Variants in PRKCQ observed in about 807,000 individuals in gnomAD.
PRKCQ encodes protein kinase C theta type.
A neutral mutation model predicts 91.2 loss-of-function variants in PRKCQ; 41 were observed. The ratio of observed to expected loss-of-function variants is 0.45; its 90% CI spans 0.35 to 0.58. PRKCQ has a LOEUF of 0.58. Among genes scored for constraint, PRKCQ ranks in the 20% least tolerant of loss-of-function variants. The pLI, the probability that PRKCQ is intolerant of heterozygous loss-of-function variation, is 0.00. For synonymous variants in PRKCQ, 307 were observed against 316.9 expected (o/e 0.97, Z 0.33); for missense variants, 673 against 896.5 (o/e 0.75, Z 3.18).
At chr10:6,524,018 G>A (rs907269437) in intron 1 of PRKCQ, among the ~76,000 whole-genome samples, 1 of 152,064 alleles carries the variant, frequency 6.6e-6, no homozygotes, top group Non-Finnish European at 1.5e-5. Flanking sequence ...GACTTCTCTC[G>A]ATTTGCTGAA....
intron 15 of PRKCQ, 102 bp downstream of exon 15, chr10:6,456,572 G>A: frequency 1.4e-6 from 2 of 1,431,040 alleles, no homozygotes; most frequent in South Asian, 2.8e-5. Flanking sequence ...TACAAATCTT[G>A]AATGAAGATA....
intron 1 of PRKCQ, among the ~76,000 whole-genome samples, chr10:6,568,999 A>C (rs911935503): frequency 1.3e-5 from 2 of 152,188 alleles, no homozygotes; most frequent in African/African-American, 4.8e-5. Flanking sequence ...AGAGGTCCAC[A>C]GGCAAAATCT....
intron 14 of PRKCQ, among the ~76,000 whole-genome samples, chr10:6,457,805 C>A (rs1217131348): frequency 6.6e-6 from 1 of 152,152 alleles, no homozygotes; most frequent in Admixed American, 6.6e-5. Flanking sequence ...CAGTAATGCC[C>A]AATATTGAGT....
chr10:6,446,421 A>G (rs1483179223), intron 15 of PRKCQ, among the ~76,000 whole-genome samples: 1 of 131,070 alleles, frequency 7.6e-6, no homozygotes, highest in Non-Finnish European at 1.5e-5. Flanking sequence ...GCTGGAGTGC[A>G]GTGGCGCGAT....
At chr10:6,405,812 T>A in the PRKCQ span, among the ~76,000 whole-genome samples, 1 of 152,238 alleles carries the variant, frequency 6.6e-6, no homozygotes, top group South Asian at 2.1e-4. Flanking sequence ...GGCTACTTTA[T>A]GGTACTCTAT....
At chr10:6,413,732 C>T in the PRKCQ span, among the ~76,000 whole-genome samples, 1 of 34,768 alleles carries the variant, frequency 2.9e-5, no homozygotes, top group Admixed American at 4.2e-4. Flanking sequence ...TGTGCGCGCG[C>T]ACACACACAC....
chr10:6,534,792 A>C (rs1246103858), intron 1 of PRKCQ, among the ~76,000 whole-genome samples: 13 of 134,798 alleles, frequency 9.6e-5, no homozygotes, highest in African/African-American at 3.6e-4. Context: ...ATATATATAT[A>C]GATATATATA....
the PRKCQ span, among the ~76,000 whole-genome samples, chr10:6,404,255 G>GTGGAGAGA: frequency 1.2e-4 from 4 of 34,360 alleles, 1 homozygote; most frequent in Non-Finnish European, 2.4e-4. Flanking sequence ...GAAGGGGGGG[G>GTGGAGAGA]GAGAGAGAGA....
At chr10:6,556,950 T>C (rs1840445065) in intron 1 of PRKCQ, among the ~76,000 whole-genome samples, 1 of 152,178 alleles carries the variant, frequency 6.6e-6, no homozygotes, top group Non-Finnish European at 1.5e-5. Flanking sequence ...TATCCCAGTC[T>C]CCATCTAGTT....
intron 1 of PRKCQ, among the ~76,000 whole-genome samples, chr10:6,568,740 C>T (rs1347246476): frequency 5.9e-5 from 9 of 152,070 alleles, no homozygotes; most frequent in Non-Finnish European, 1.0e-4. Context: ...CCTCGTGATC[C>T]GCCCACCTCG....
chr10:6,407,470 AGTGTGT>A, the PRKCQ span, among the ~76,000 whole-genome samples: 47 of 148,960 alleles, frequency 3.2e-4, no homozygotes, highest in Non-Finnish European at 4.8e-4. The surrounding 1 kb of genome is among the most constrained non-coding windows in gnomAD (Gnocchi z 4.0). Context: ...GTACATGTTC[AGTGTGT>A]GTGTGTGTGT....
intron 16 of PRKCQ, among the ~76,000 whole-genome samples, chr10:6,440,152 T>C (rs1833897393): frequency 6.6e-6 from 1 of 152,226 alleles, no homozygotes; most frequent in African/African-American, 2.4e-5. Context: ...GCAAGTTTCC[T>C]GAGGCCTCCC....
At chr10:6,573,593 AGTTT>A (rs1201033428) in intron 1 of PRKCQ, among the ~76,000 whole-genome samples, 3 of 152,026 alleles carry the variant, frequency 2.0e-5, no homozygotes, top group African/African-American at 4.8e-5. Flanking sequence ...ATATTGCCAT[AGTTT>A]GTTTACTTTT....
intron 1 of PRKCQ, among the ~76,000 whole-genome samples, chr10:6,546,944 G>A (rs574116916): frequency 1.1e-4 from 17 of 152,250 alleles, no homozygotes; most frequent in South Asian, 6.2e-4. Flanking sequence ...AGCATGAAGC[G>A]TTGTTGAATT....
the PRKCQ span, among the ~76,000 whole-genome samples, chr10:6,395,334 G>A: frequency 6.6e-6 from 1 of 152,112 alleles, no homozygotes; most frequent in African/African-American, 2.4e-5. Flanking sequence ...AAAGGGCTGG[G>A]ATTACAGGCG....
At chr10:6,415,405 CATATATATATATATATAT>C in the PRKCQ span, among the ~76,000 whole-genome samples, 12,313 of 104,528 alleles carry the variant, frequency 0.12, 923 homozygotes, top group Non-Finnish European at 0.15. Flanking sequence ...CAAGAAAATA[CATATATATATATATATAT>C]ATATATATAT....
At chr10:6,468,553 T>C (rs1458247184) in intron 12 of PRKCQ, among the ~76,000 whole-genome samples, 1 of 152,160 alleles carries the variant, frequency 6.6e-6, no homozygotes, top group Non-Finnish European at 1.5e-5. Context: ...GCAAATATCA[T>C]GCAAATAAGA....
At chr10:6,463,093 T>C (rs1440056562) in intron 13 of PRKCQ, among the ~76,000 whole-genome samples, 1 of 152,198 alleles carries the variant, frequency 6.6e-6, no homozygotes, top group Non-Finnish European at 1.5e-5. Flanking sequence ...TAGACCTGTA[T>C]GCACCATTCT....
chr10:6,476,824 C>A (rs956464619), intron 12 of PRKCQ, among the ~76,000 whole-genome samples: 2 of 152,144 alleles, frequency 1.3e-5, no homozygotes, highest in South Asian at 2.1e-4. Context: ...AAAATCTAGA[C>A]AACAGTACGG....
Sources: allele counts gnomAD v4.1 joint callset (sites outside exome capture counted in the v4.1 genomes callset), GRCh38; gene constraint gnomAD v4.1.1; non-coding constraint Gnocchi (gnomAD v3.1); transcripts MANE v1.5; gene names NCBI Gene and HGNC (gene_info 2026-07-23, HGNC 2026-07-21).